The following ASXL2 variants were observed in gnomAD, a reference collection of about 807,000 sequenced individuals.
The protein encoded by ASXL2 is ASXL transcriptional regulator 2.
A neutral mutation model predicts 122.0 loss-of-function variants in ASXL2; 23 were observed. The observed-to-expected ratio is 0.19, with a 90% CI of 0.14 to 0.27. The LOEUF (loss-of-function observed/expected upper bound fraction) is 0.27. ASXL2 is among the 10% of genes least tolerant of loss of function. ASXL2 has a pLI of 1.00. For missense variants in ASXL2, 1,518 were observed against 1,713.8 expected, an observed-to-expected ratio of 0.89 and a Z score of 2.02; for synonymous variants, 650 against 637.0, an observed-to-expected ratio of 1.02 and a Z score of -0.31.
intron 3 of ASXL2, among the ~76,000 whole-genome samples, chr2:25,809,528 G>A (rs2089135607): frequency 6.6e-6 from 1 of 152,008 alleles, no homozygotes; most frequent in African/African-American, 2.4e-5. Context: ...TCTATGGAAA[G>A]GGCAATATGC....
At chr2:25,864,101 A>C (rs1057240459) in intron 1 of ASXL2, among the ~76,000 whole-genome samples, 1 of 152,108 alleles carries the variant, frequency 6.6e-6, no homozygotes, top group Admixed American at 6.6e-5. Flanking sequence ...TAAGCAACAA[A>C]ACAGGTATGT....
chr2:25,787,528 C>A (rs78001485), intron 5 of ASXL2, among the ~76,000 whole-genome samples: 3 of 152,152 alleles, frequency 2.0e-5, no homozygotes, highest in African/African-American at 4.8e-5. Context: ...AGAGGCTAAT[C>A]GCTTTGTTTA....
At chr2:25,800,558 T>A (rs1250084745) in intron 4 of ASXL2, among the ~76,000 whole-genome samples, 1 of 152,150 alleles carries the variant, frequency 6.6e-6, no homozygotes, top group African/African-American at 2.4e-5. Context: ...TATGAAACTC[T>A]TTGGTTTCTG....
At chr2:25,818,753 G>A (rs987519184) in intron 3 of ASXL2, among the ~76,000 whole-genome samples, 4 of 152,032 alleles carry the variant, frequency 2.6e-5, no homozygotes, top group African/African-American at 9.7e-5. Context: ...ACCATATGCG[G>A]CAACAGTGAT....
Position 25,741,985 on chromosome 2 carries a change from C to A in ASXL2, c.*44G>T. 2 of 1,551,810 alleles carry A rather than the reference C, an allele frequency of 1.3e-6. No homozygotes were observed. The highest frequency in any genetic ancestry group is 1.2e-5 in the South Asian group (1 of 82,814). On this transcript the variant is annotated 3_prime_UTR_variant, in exon 13 of 13. Transcript: ENST00000435504. ...GACGCAAAAAACCCAACTGGTCAAC[C>A]CTTCCCTTCCCCCTCCTTTACAGTG...
chr2:25,782,999 C>T (rs913198591), intron 5 of ASXL2, among the ~76,000 whole-genome samples: 7 of 151,868 alleles, frequency 4.6e-5, no homozygotes, highest in Non-Finnish European at 8.8e-5. Context: ...CATGGTGGTG[C>T]ACACCTGTAA....
rs1184161415 is a variant in ASXL2, at chr2:25,743,307, T to C, written c.3030A>G (p.Arg1010=). ...GCTGCTGCGTAGCTGGATGGGACTGTCTCTCATTAACTTCCTCTCTGGTGC... is the reference window on the plus strand; with the variant it reads ...GCTGCTGCGTAGCTGGATGGGACTGCCTCTCATTAACTTCCTCTCTGGTGC... The part of the protein sequence containing the change: ...ENSTREEVNE[R]QSHPATQQQL... Residue 1010 remains arginine (R), a synonymous_variant, in exon 13 of 13, where the codon AGA becomes AGG. Coordinates refer to ENST00000435504, the MANE Select transcript of ASXL2 (RefSeq NM_018263.6). 1 of 1,613,852 alleles carries C rather than the reference T, an allele frequency of 6.2e-7. No homozygotes were observed. Among genetic ancestry groups the C allele is most frequent in the Non-Finnish European group, 8.5e-7 (1 of 1,179,874 alleles).
chr2:25,858,959 G>T (rs1395627091), intron 1 of ASXL2, among the ~76,000 whole-genome samples: 1 of 150,830 alleles, frequency 6.6e-6, no homozygotes, highest in Non-Finnish European at 1.5e-5. Flanking sequence ...GATTACAGGC[G>T]CCTGCCACCA....
At chr2:25,816,951 C>G (rs532397126) in intron 3 of ASXL2, among the ~76,000 whole-genome samples, 19 of 152,222 alleles carry the variant, frequency 1.2e-4, no homozygotes, top group African/African-American at 4.3e-4. Context: ...ATGGTGAAAC[C>G]CAGTCTCTAC....
chr2:25,751,078 G>A (rs2088036160), intron 11 of ASXL2, among the ~76,000 whole-genome samples: 1 of 152,196 alleles, frequency 6.6e-6, no homozygotes. Flanking sequence ...GTTCCATTGA[G>A]ATATCCATAA....
chr2:25,755,676 C>T (rs891509973), intron 10 of ASXL2, among the ~76,000 whole-genome samples: 1 of 152,160 alleles, frequency 6.6e-6, no homozygotes, highest in Non-Finnish European at 1.5e-5. Context: ...GTGACTAATT[C>T]TATACTTTTA....
Position 25,739,380 on chromosome 2 carries a change from T to C in ASXL2, c.*2649A>G. The C allele has an allele frequency of 5.6e-6, 1 of 177,078 alleles. No individual in the cohort carries two copies. The highest frequency in any genetic ancestry group is 6.3e-5 in the Admixed American group (1 of 15,838). 11.0% of individuals were successfully genotyped at this position (177,078 alleles called of 1,614,324 possible). A position where few individuals can be genotyped will look rare whatever the true frequency, so the allele number is the denominator to read the frequency against. On this transcript the variant is annotated 3_prime_UTR_variant, in exon 13 of 13. Transcript: ENST00000435504. ...CCAGATTGTAATGTGTTTTTTTTTTTTTTAATTTTTCTGTTCAGCTTTTAA... is the reference window on the plus strand; with the variant it reads ...CCAGATTGTAATGTGTTTTTTTTTTCTTTAATTTTTCTGTTCAGCTTTTAA...
intron 1 of ASXL2, among the ~76,000 whole-genome samples, chr2:25,847,221 T>C (rs1027714993): frequency 6.6e-6 from 1 of 152,202 alleles, no homozygotes; most frequent in Admixed American, 6.5e-5. Flanking sequence ...TGGTCAGTCA[T>C]AAAACCCAAC....
Position 25,750,144 on chromosome 2 carries a change from G to A in ASXL2, c.1412C>T (p.Thr471Ile). The A allele has an allele frequency of 6.2e-7, 1 of 1,614,020 alleles. No homozygotes were observed. The highest frequency in any genetic ancestry group is 2.2e-5 in the East Asian group (1 of 44,890). Residue 471 changes from threonine (T) to isoleucine (I), a missense_variant, in exon 12 of 13, where the codon ACA becomes ATA. Coordinates refer to ENST00000435504, the MANE Select transcript of ASXL2 (RefSeq NM_018263.6). ...GGGAAGAATGCTGCTAAGCTCATGT[G>A]TATTGAGAGCTGAGGAAAGCAGGGG... ...SEPLLSSALN[T>I]HELSSILPIK...
chr2:25,797,920 C>T (rs1278801747), intron 5 of ASXL2, among the ~76,000 whole-genome samples: 2 of 152,226 alleles, frequency 1.3e-5, no homozygotes. Context: ...TATGCACATA[C>T]AAAATCTGCA....
At chr2:25,834,879 G>A (rs1167400391) in intron 3 of ASXL2, among the ~76,000 whole-genome samples, 3 of 151,960 alleles carry the variant, frequency 2.0e-5, no homozygotes, top group Admixed American at 6.6e-5. Flanking sequence ...CTAGAGTGCA[G>A]TGGCATGATC....
chr2:25,737,072 C>T lies in ASXL2; in HGVS notation c.*4957G>A, dbSNP rs1342378037. The T allele has an allele frequency of 5.9e-5, 9 of 152,050 alleles. No homozygotes were observed. The highest frequency in any genetic ancestry group is 5.9e-4 in the Admixed American group (9 of 15,258). 9.4% of individuals were successfully genotyped at this position (152,050 alleles called of 1,614,324 possible). A position where few individuals can be genotyped will look rare whatever the true frequency, so the allele number is the denominator to read the frequency against. On this transcript the variant is annotated 3_prime_UTR_variant, in exon 13 of 13. Transcript: ENST00000435504. ...TCCTGACCCAGAGGAGTTCAAAATTCAAGTGTCAAATGCTGAAATAGAACC... is the reference window on the plus strand; with the variant it reads ...TCCTGACCCAGAGGAGTTCAAAATTTAAGTGTCAAATGCTGAAATAGAACC...
At chr2:25,845,640 C>G (rs6741640) in intron 1 of ASXL2, 77 bp from the exon 2 acceptor site, 1 of 639,076 alleles carries the variant, frequency 1.6e-6, no homozygotes, top group African/African-American at 1.9e-5. Context: ...CTTATAATTA[C>G]GTCTTAAAAG....
intron 2 of ASXL2, among the ~76,000 whole-genome samples, chr2:25,844,954 A>G (rs2089632757): frequency 6.6e-6 from 1 of 152,164 alleles, no homozygotes; most frequent in African/African-American, 2.4e-5. Context: ...GTAATATAAT[A>G]AGGTTCTTAG....
Sources: gnomAD v4.1 joint callset for allele counts (sites outside exome capture counted in the v4.1 genomes callset) on GRCh38, gnomAD v4.1.1 for gene constraint, MANE v1.5 for transcripts, NCBI Gene and HGNC (gene_info 2026-07-23, HGNC 2026-07-21) for gene names.